The following ILRUN variants were observed in gnomAD, a reference collection of about 807,000 sequenced individuals.
The protein encoded by ILRUN is inflammation and lipid regulator with UBA-like and NBR1-like domains.
A neutral mutation model predicts 33.8 loss-of-function variants in ILRUN; 3 were observed. That is an observed-to-expected ratio of 0.09 (90% CI 0.04 to 0.23). The LOEUF (loss-of-function observed/expected upper bound fraction) is 0.23. ILRUN is among the 10% of genes least tolerant of loss of function. The pLI is 1.00. For missense variants in ILRUN, 210 were observed against 375.1 expected, an observed-to-expected ratio of 0.56 and a Z score of 3.64; for synonymous variants, 124 against 138.9, an observed-to-expected ratio of 0.89 and a Z score of 0.75.
chr6:34,617,119 G>A (rs1761909171), intron 3 of ILRUN: 1 of 528,590 alleles, frequency 1.9e-6, no homozygotes, highest in Non-Finnish European at 3.7e-6. Context: ...ATGCTTCAAA[G>A]AAGCAAATAA....
At chr6:34,689,786 T>G (rs1256888661) in intron 1 of ILRUN, among the ~76,000 whole-genome samples, 1 of 151,512 alleles carries the variant, frequency 6.6e-6, no homozygotes, top group African/African-American at 2.4e-5. Flanking sequence ...AGGGTGTTTC[T>G]GACAATGTTG....
chr6:34,602,817 T>G (rs2127316760), intron 4 of ILRUN, among the ~76,000 whole-genome samples: 1 of 152,280 alleles, frequency 6.6e-6, no homozygotes, highest in South Asian at 2.1e-4. Flanking sequence ...AGAAGCCCCT[T>G]TGCGTTGTGG....
At chr6:34,665,292 CAAAAAAAAAAAA>C (rs60761039) in intron 1 of ILRUN, among the ~76,000 whole-genome samples, 1 of 76,454 alleles carries the variant, frequency 1.3e-5, no homozygotes, top group Non-Finnish European at 2.7e-5. Context: ...CCCTTTTCTA[CAAAAAAAAAAAA>C]AAAAAAAAAA....
At chr6:34,599,750 A>C (rs1458644273) in intron 4 of ILRUN, among the ~76,000 whole-genome samples, 1 of 152,174 alleles carries the variant, frequency 6.6e-6, no homozygotes, top group African/African-American at 2.4e-5. Flanking sequence ...GATATGCAAC[A>C]GCCCACTTGA....
chr6:34,682,539 T>A lies in ILRUN; in HGVS notation c.158+13907A>T, dbSNP rs138372360. 7.2e-3 allele frequency among the ~76,000 whole-genome samples: 1,096 copies of A among 151,982 alleles called. 18 individuals are homozygous for A. The highest frequency in any genetic ancestry group is 0.025 in the African/African-American group (1,041 of 41,426). Reference sequence around the variant, plus strand: ...TCCCAAAGTACAGGGATTACAGGGGTGAGCCACCGCGCCCAGCCAATCTCT... The same window carrying A: ...TCCCAAAGTACAGGGATTACAGGGGAGAGCCACCGCGCCCAGCCAATCTCT... On this transcript the variant is annotated intron_variant, in intron 1 of 4. Coordinates refer to ENST00000374023, the MANE Select transcript of ILRUN (RefSeq NM_024294.4).
intron 1 of ILRUN, among the ~76,000 whole-genome samples, chr6:34,688,892 C>T (rs1372511289): frequency 6.6e-6 from 1 of 151,834 alleles, no homozygotes; most frequent in Non-Finnish European, 1.5e-5. Flanking sequence ...ACCTGGGAGG[C>T]GGAGGTTACA....
intron 3 of ILRUN, among the ~76,000 whole-genome samples, chr6:34,639,316 C>T (rs1762424710): frequency 6.6e-6 from 1 of 152,152 alleles, no homozygotes; most frequent in South Asian, 2.1e-4. Flanking sequence ...TAGTGGAAAC[C>T]CCCATAAGTG....
chr6:34,607,033 G>A (rs995237863), intron 3 of ILRUN, 129 bp from the exon 4 acceptor site: 2 of 719,072 alleles, frequency 2.8e-6, no homozygotes, highest in Non-Finnish European at 4.5e-6. Context: ...AGTTTTAAAA[G>A]CTTGCTAACA....
chr6:34,601,199 A>G (rs950631339), intron 4 of ILRUN, among the ~76,000 whole-genome samples: 3 of 152,192 alleles, frequency 2.0e-5, no homozygotes, highest in African/African-American at 7.2e-5. Flanking sequence ...GATAAATTTT[A>G]ATAACAAAAA....
intron 4 of ILRUN, among the ~76,000 whole-genome samples, chr6:34,595,250 G>A (rs1761376668): frequency 6.6e-6 from 1 of 152,222 alleles, no homozygotes; most frequent in Non-Finnish European, 1.5e-5. Flanking sequence ...TCTTATGTGA[G>A]GGTAAACCTG....
chr6:34,659,573 CAT>C (rs1275267005), intron 1 of ILRUN, among the ~76,000 whole-genome samples: 4 of 148,748 alleles, frequency 2.7e-5, no homozygotes, highest in Non-Finnish European at 5.9e-5. Flanking sequence ...TATTCACAAA[CAT>C]AGAACATTTA....
intron 2 of ILRUN, among the ~76,000 whole-genome samples, chr6:34,648,466 A>G (rs1240675497): frequency 6.6e-6 from 1 of 152,200 alleles, no homozygotes; most frequent in Non-Finnish European, 1.5e-5. Context: ...GGTAGCAGCT[A>G]AAGCAGTGGC....
intron 4 of ILRUN, among the ~76,000 whole-genome samples, chr6:34,600,530 T>C (rs1476316859): frequency 6.6e-6 from 1 of 152,196 alleles, no homozygotes; most frequent in African/African-American, 2.4e-5. Context: ...AGAGACTGTA[T>C]CTTGTGGCCA....
chr6:34,638,605 T>C (rs1189207685), intron 3 of ILRUN, among the ~76,000 whole-genome samples: 2 of 151,854 alleles, frequency 1.3e-5, no homozygotes, highest in African/African-American at 4.8e-5. Flanking sequence ...CTTGGGAGGC[T>C]GAGTTGGGAG....
intron 1 of ILRUN, among the ~76,000 whole-genome samples, chr6:34,676,336 C>G (rs1180695450): frequency 6.6e-6 from 1 of 151,834 alleles, no homozygotes; most frequent in Non-Finnish European, 1.5e-5. Context: ...GAGGTTGAGG[C>G]TGCAGTGAGC....
intron 1 of ILRUN, among the ~76,000 whole-genome samples, chr6:34,682,547 C>A (rs1451442708): frequency 6.6e-6 from 1 of 151,984 alleles, no homozygotes; most frequent in Non-Finnish European, 1.5e-5. Context: ...GGTGAGCCAC[C>A]GCGCCCAGCC....
intron 3 of ILRUN, among the ~76,000 whole-genome samples, chr6:34,633,484 TTTGAAGTAC>T (rs1201095527): frequency 6.6e-6 from 1 of 152,142 alleles, no homozygotes; most frequent in African/African-American, 2.4e-5. Context: ...TACACATGCT[TTTGAAGTAC>T]GCATGGAATA....
intron 4 of ILRUN, among the ~76,000 whole-genome samples, chr6:34,591,959 G>T (rs933615821): frequency 2.0e-5 from 3 of 152,186 alleles, no homozygotes; most frequent in African/African-American, 7.2e-5. Context: ...TTGGCTGAGT[G>T]GAAGAAGCTT....
rs111567378 is a variant in ILRUN at position 34,690,353 on chromosome 6, T to C, written c.158+6093A>G. Among the ~76,000 whole-genome samples the C allele has an allele frequency of 6.6e-3, 1,002 of 152,078 alleles. 12 individuals are homozygous for C. The highest frequency in any genetic ancestry group is 0.021 in the African/African-American group (859 of 41,500). ...GCCCACACGTGTAATCCCAGCTACT[T>C]GGGAGGCTGAGGCACAAGAATCGCA... On this transcript the variant is annotated intron_variant, in intron 1 of 4. Coordinates refer to ENST00000374023, the MANE Select transcript of ILRUN (RefSeq NM_024294.4).
Sources: gnomAD v4.1 joint callset for allele counts (sites outside exome capture counted in the v4.1 genomes callset) on GRCh38, gnomAD v4.1.1 for gene constraint, MANE v1.5 for transcripts, NCBI Gene and HGNC (gene_info 2026-07-23, HGNC 2026-07-21) for gene names.